Variants in PID1 observed in about 807,000 individuals in gnomAD.
PID1 encodes PTB-containing, cubilin and LRP1-interacting protein.
PID1 carries 10 observed loss-of-function variants against 19.1 expected under a neutral mutation model. The ratio of observed to expected loss-of-function variants is 0.52; its 90% CI spans 0.32 to 0.89. The LOEUF (loss-of-function observed/expected upper bound fraction) is 0.89. PID1 is among the 40% of genes least tolerant of loss of function. PID1 has a pLI of 0.03. For synonymous variants in PID1, 130 were observed against 116.0 expected, an observed-to-expected ratio of 1.12 and a Z score of -0.78; for missense variants, 248 against 285.3, an observed-to-expected ratio of 0.87 and a Z score of 0.94.
Position 229,025,138 on chromosome 2 carries a change from T to A in PID1, c.*494A>T, listed in dbSNP as rs1693383083. 6.2e-6 allele frequency: 1 copy of A among 160,418 alleles called. No individual in the cohort carries two copies. The highest frequency in any genetic ancestry group is 1.4e-5 in the Non-Finnish European group (1 of 72,500). The allele number at this position is 160,418 out of a possible 1,614,324, so 9.9% of individuals were successfully genotyped here. On this transcript the variant is annotated 3_prime_UTR_variant, in exon 3 of 3. Coordinates refer to ENST00000392055, the MANE Select transcript of PID1 (RefSeq NM_001100818.2). ...GCTGATTTGCATACAGAGGAGGGCATCTGCCGTGGGAGAGGAACAGAGGGC... is the reference window on the plus strand; with the variant it reads ...GCTGATTTGCATACAGAGGAGGGCAACTGCCGTGGGAGAGGAACAGAGGGC...
chr2:229,165,877 A>T (rs550199751), intron 1 of PID1, among the ~76,000 whole-genome samples: 6 of 48,894 alleles, frequency 1.2e-4, no homozygotes, highest in African/African-American at 2.5e-4. Flanking sequence ...TAGATAACCT[A>T]AAAAAAAGCA....
At chr2:229,079,603 G>C (rs6436838) in intron 2 of PID1, among the ~76,000 whole-genome samples, 34,473 of 152,126 alleles carry the variant, frequency 0.23, 5,791 homozygotes, top group African/African-American at 0.46. Context: ...AGACGTGCCA[G>C]GGAAGTGAAG....
At chr2:229,232,483 C>G (rs1001910924) in intron 1 of PID1, among the ~76,000 whole-genome samples, 19 of 139,912 alleles carry the variant, frequency 1.4e-4, no homozygotes, top group Non-Finnish European at 2.9e-4. Context: ...ATCACTTTGG[C>G]CATTAAGTTT....
intron 2 of PID1, among the ~76,000 whole-genome samples, chr2:229,033,055 T>A (rs942823008): frequency 6.6e-6 from 1 of 152,160 alleles, no homozygotes; most frequent in Non-Finnish European, 1.5e-5. Context: ...CAAAACAAAC[T>A]TGGTTGCCCG....
At chr2:229,054,960 TAA>T (rs1694069949) in intron 2 of PID1, among the ~76,000 whole-genome samples, 2 of 152,146 alleles carry the variant, frequency 1.3e-5, no homozygotes, top group African/African-American at 4.8e-5. Context: ...AACTAGAAGA[TAA>T]AGTCAAGTCA....
intron 1 of PID1, among the ~76,000 whole-genome samples, chr2:229,162,049 A>C (rs1053706703): frequency 6.6e-6 from 1 of 152,342 alleles, no homozygotes; most frequent in Non-Finnish European, 1.5e-5. Context: ...TCGCAAACCA[A>C]AGGTGCACAG....
intron 1 of PID1, among the ~76,000 whole-genome samples, chr2:229,208,946 A>T (rs1574723254): frequency 6.6e-6 from 1 of 152,132 alleles, no homozygotes; most frequent in South Asian, 2.1e-4. Context: ...TCATGGCTGG[A>T]GAGTAAGAGT....
At chr2:229,190,714 T>A (rs1464461816) in intron 1 of PID1, among the ~76,000 whole-genome samples, 11 of 152,224 alleles carry the variant, frequency 7.2e-5, no homozygotes, top group Non-Finnish European at 1.5e-5. Context: ...ATTTCCTAGG[T>A]ATATCGGCTC....
intron 2 of PID1, among the ~76,000 whole-genome samples, chr2:229,067,930 T>C: frequency 6.6e-6 from 1 of 152,162 alleles, no homozygotes; most frequent in East Asian, 1.9e-4. Context: ...TATTCATCCT[T>C]TAGAGCAAAA....
chr2:229,176,443 G>A (rs1690825658), intron 1 of PID1, among the ~76,000 whole-genome samples: 1 of 152,036 alleles, frequency 6.6e-6, no homozygotes, highest in Non-Finnish European at 1.5e-5. Flanking sequence ...TTTCTATTAG[G>A]GAACCAGGCC....
chr2:229,096,293 G>T lies in PID1; in HGVS notation c.177+59525C>A, dbSNP rs1694969940. Among the ~76,000 whole-genome samples the T allele has an allele frequency of 2.0e-5, 3 of 152,130 alleles. No individual in the cohort carries two copies. In the South Asian group the frequency reaches 6.2e-4, roughly 31 times the overall value. On this transcript the variant is annotated intron_variant, in intron 2 of 2. Transcript: ENST00000392055. ...ACAATGCTACCATTTGCTAATTTAT[G>T]CCTTTATATTCTCATTTTACTAAGT...
intron 2 of PID1, among the ~76,000 whole-genome samples, chr2:229,055,165 A>G (rs189043255): frequency 1.3e-5 from 2 of 152,278 alleles, no homozygotes; most frequent in Admixed American, 6.5e-5. Flanking sequence ...AGATCCTACA[A>G]TAACAGGTGA....
intron 2 of PID1, among the ~76,000 whole-genome samples, chr2:229,120,774 C>T (rs991546400): frequency 6.6e-6 from 1 of 152,046 alleles, no homozygotes; most frequent in East Asian, 1.9e-4. Context: ...ATGTTTGAGT[C>T]ATGGGGGTAG....
intron 1 of PID1, among the ~76,000 whole-genome samples, chr2:229,252,101 T>C (rs1017359433): frequency 6.0e-4 from 90 of 149,656 alleles, no homozygotes; most frequent in African/African-American, 2.0e-3. Flanking sequence ...AAAAGGAAGA[T>C]GGAAGAAAGG....
chr2:229,087,270 G>A (rs774220646), intron 2 of PID1, among the ~76,000 whole-genome samples: 1 of 152,156 alleles, frequency 6.6e-6, no homozygotes, highest in Non-Finnish European at 1.5e-5. Flanking sequence ...ATCAGGTGCT[G>A]TGGAACTCAG....
At chr2:229,053,615 C>A (rs1326387391) in intron 2 of PID1, among the ~76,000 whole-genome samples, 2 of 152,198 alleles carry the variant, frequency 1.3e-5, no homozygotes, top group Non-Finnish European at 2.9e-5. Context: ...CCTCTCTTGG[C>A]CTGCATGGAG....
intron 1 of PID1, among the ~76,000 whole-genome samples, chr2:229,197,338 A>G (rs1035770134): frequency 6.6e-6 from 1 of 151,980 alleles, no homozygotes; most frequent in Non-Finnish European, 1.5e-5. Flanking sequence ...AAAAAATTTG[A>G]CAGTATTTTT....
At chr2:229,066,985 C>A (rs1320315128) in intron 2 of PID1, among the ~76,000 whole-genome samples, 1 of 152,084 alleles carries the variant, frequency 6.6e-6, no homozygotes, top group Non-Finnish European at 1.5e-5. Context: ...TGAAAAAACA[C>A]CCGAGACTGG....
At chr2:229,237,741 G>A (rs577908363) in intron 1 of PID1, among the ~76,000 whole-genome samples, 50 of 152,058 alleles carry the variant, frequency 3.3e-4, no homozygotes, top group African/African-American at 1.2e-3. Context: ...TCCTTTACCC[G>A]CCCCATACAC....
Sources: allele counts gnomAD v4.1 joint callset (sites outside exome capture counted in the v4.1 genomes callset), GRCh38; gene constraint gnomAD v4.1.1; transcripts MANE v1.5; gene names NCBI Gene and HGNC (gene_info 2026-07-23, HGNC 2026-07-21).